Variants in CDH13 observed in about 807,000 individuals in gnomAD.
The protein encoded by CDH13 is cadherin 13.
Under a neutral mutation model 63.8 loss-of-function variants are expected in CDH13, and 24 were observed. The ratio of observed to expected loss-of-function variants is 0.38; its 90% confidence interval spans 0.27 to 0.53. CDH13 has a LOEUF of 0.53. Among genes scored for constraint, CDH13 ranks in the 20% least tolerant of loss-of-function variants. The probability of loss-of-function intolerance (pLI) is 0.85; values close to 1 mark genes in which losing one functional copy is unlikely to be tolerated. For missense variants in CDH13, 1,049 were observed against 903.1 expected, an observed-to-expected ratio of 1.16 and a Z score of -2.07; for synonymous variants, 503 against 355.3, an observed-to-expected ratio of 1.42 and a Z score of -4.67.
intron 2 of CDH13, among the ~76,000 whole-genome samples, chr16:82,969,477 TC>T (rs1260708076): frequency 5.3e-5 from 6 of 112,488 alleles, no homozygotes; most frequent in Non-Finnish European, 1.1e-4. Flanking sequence ...TTCTGCATAT[TC>T]TTTTTTTTTT....
At chr16:83,572,551 C>G (rs1267100677) in intron 7 of CDH13, among the ~76,000 whole-genome samples, 1 of 152,168 alleles carries the variant, frequency 6.6e-6, no homozygotes, top group Admixed American at 6.5e-5. Context: ...CTCTTAAGTC[C>G]TCAGTACTGA....
At chr16:82,853,933 G>A (rs758629826) in intron 1 of CDH13, among the ~76,000 whole-genome samples, 12 of 152,266 alleles carry the variant, frequency 7.9e-5, no homozygotes, top group African/African-American at 2.6e-4. Context: ...TCATAATATT[G>A]GAGAAAGGGC....
chr16:82,774,016 C>T (rs1446351512), intron 1 of CDH13, among the ~76,000 whole-genome samples: 6 of 152,112 alleles, frequency 3.9e-5, no homozygotes, highest in African/African-American at 7.2e-5. Flanking sequence ...ATCTCCTGAC[C>T]TCGTGATCCA....
At chr16:83,402,610 C>G (rs763268177) in intron 6 of CDH13, among the ~76,000 whole-genome samples, 1 of 152,206 alleles carries the variant, frequency 6.6e-6, no homozygotes, top group Non-Finnish European at 1.5e-5. Flanking sequence ...GGTAGACTAC[C>G]ATAACTCACT....
intron 1 of CDH13, among the ~76,000 whole-genome samples, chr16:82,648,385 C>T (rs140179805): frequency 5.6e-4 from 85 of 152,252 alleles, no homozygotes; most frequent in African/African-American, 2.0e-3. Context: ...TTGCCACATG[C>T]CTGACTCTCC....
chr16:83,052,205 C>A (rs186681028), intron 3 of CDH13, among the ~76,000 whole-genome samples: 9 of 152,234 alleles, frequency 5.9e-5, no homozygotes, highest in Admixed American at 1.3e-4. Flanking sequence ...CCTCATTATC[C>A]TTTCAGAGCA....
At chr16:83,324,467 G>T (rs576902604) in intron 5 of CDH13, among the ~76,000 whole-genome samples, 2 of 152,252 alleles carry the variant, frequency 1.3e-5, no homozygotes, top group Admixed American at 6.5e-5. Flanking sequence ...AGATGTGTCT[G>T]TTCTAAACTT....
At chr16:83,553,660 C>T (rs1459250985) in intron 7 of CDH13, among the ~76,000 whole-genome samples, 1 of 152,162 alleles carries the variant, frequency 6.6e-6, no homozygotes, top group African/African-American at 2.4e-5. Flanking sequence ...GGGTTCAAGC[C>T]ATTTTCCTGC....
At chr16:83,385,439 G>C (rs969578713) in intron 6 of CDH13, among the ~76,000 whole-genome samples, 1 of 152,134 alleles carries the variant, frequency 6.6e-6, no homozygotes, top group African/African-American at 2.4e-5. Flanking sequence ...ACTTTTCAGA[G>C]GCCCATCTTA....
At chr16:83,516,987 A>C (rs1215510121) in intron 7 of CDH13, among the ~76,000 whole-genome samples, 1 of 152,198 alleles carries the variant, frequency 6.6e-6, no homozygotes, top group East Asian at 1.9e-4. Context: ...CAGTGAGTGT[A>C]AGAAATTGCT....
intron 6 of CDH13, among the ~76,000 whole-genome samples, chr16:83,482,771 G>C (rs757160359): frequency 6.6e-6 from 1 of 152,168 alleles, no homozygotes; most frequent in Non-Finnish European, 1.5e-5. Flanking sequence ...TGTGTGTGTT[G>C]TTGTGATATC....
chr16:83,533,336 G>A (rs1305335479), intron 7 of CDH13, among the ~76,000 whole-genome samples: 4 of 152,162 alleles, frequency 2.6e-5, no homozygotes, highest in East Asian at 1.9e-4. Flanking sequence ...GATAAATACT[G>A]AGATGCCCAG....
chr16:83,701,612 G>T (rs1032420083), intron 10 of CDH13, among the ~76,000 whole-genome samples: 1 of 152,110 alleles, frequency 6.6e-6, no homozygotes, highest in African/African-American at 2.4e-5. Flanking sequence ...AATGTGTCAG[G>T]TTCTTCTCTG....
chr16:83,368,939 C>G (rs866769207), intron 6 of CDH13, among the ~76,000 whole-genome samples: 1 of 34,938 alleles, frequency 2.9e-5, no homozygotes, highest in African/African-American at 1.0e-4. Flanking sequence ...TATATATATA[C>G]TAGGTTTTTT....
At chr16:83,317,129 GC>G (rs1317691783) in intron 5 of CDH13, among the ~76,000 whole-genome samples, 1 of 152,278 alleles carries the variant, frequency 6.6e-6, no homozygotes, top group East Asian at 1.9e-4. Context: ...ATCCTACAAT[GC>G]CCAGAAAAGT....
Position 83,750,535 on chromosome 16 carries a change from G to A in CDH13, c.1681+2285G>A, listed in dbSNP as rs145783967. Among the ~76,000 whole-genome samples the A allele has an allele frequency of 1.3e-4, 20 of 152,236 alleles. No homozygotes were observed. The East Asian group carries it at 1.7e-3, about 13-fold the overall frequency. On this transcript the variant is annotated intron_variant, in intron 11 of 13. Transcript: ENST00000567109. ...CCTTATTTGGAAGCAGGCTTGTTGC[G>A]GATGTGGTTAGTTAAGGTGAGGTCA... is the stretch of plus-strand genomic sequence containing the variant.
At chr16:83,623,279 G>C (rs1019761090) in intron 8 of CDH13, among the ~76,000 whole-genome samples, 2 of 152,084 alleles carry the variant, frequency 1.3e-5, no homozygotes, top group Admixed American at 6.6e-5. Context: ...CATTTCCCTC[G>C]AGTTCCCCCA....
intron 2 of CDH13, among the ~76,000 whole-genome samples, chr16:82,983,119 C>G (rs372916859): frequency 2.6e-5 from 4 of 152,158 alleles, no homozygotes; most frequent in African/African-American, 9.7e-5. Flanking sequence ...GGGAGGGATA[C>G]TAAGGCAAAT....
chr16:83,484,592 G>T (rs1351909793), intron 6 of CDH13, among the ~76,000 whole-genome samples: 1 of 152,148 alleles, frequency 6.6e-6, no homozygotes, highest in Non-Finnish European at 1.5e-5. Flanking sequence ...CATTCACCTT[G>T]TAAAAATAAA....
Sources: allele counts gnomAD v4.1 joint callset (sites outside exome capture counted in the v4.1 genomes callset), GRCh38; gene constraint gnomAD v4.1.1; transcripts MANE v1.5; gene names NCBI Gene and HGNC (gene_info 2026-07-23, HGNC 2026-07-21).